C2CD3: variants seen among roughly 807,000 people sequenced by gnomAD.
C2CD3 encodes C2 domain containing 3 centriole elongation regulator.
In C2CD3, 148 loss-of-function variants were observed where a neutral mutation model predicts 234.0. That is an observed-to-expected ratio of 0.63 (90% CI 0.55 to 0.72). The LOEUF is 0.72. C2CD3 is among the 30% of genes least tolerant of loss of function. The pLI, the probability that C2CD3 is intolerant of heterozygous loss-of-function variation, is 0.00. For missense variants in C2CD3, 2,577 were observed against 2,811.5 expected, an observed-to-expected ratio of 0.92 and a Z score of 1.89; for synonymous variants, 1,000 against 1,035.4, an observed-to-expected ratio of 0.97 and a Z score of 0.66.
At chr11:74,037,993 A>T (rs1383338665) in intron 29 of C2CD3, among the ~76,000 whole-genome samples, 1 of 152,176 alleles carries the variant, frequency 6.6e-6, no homozygotes, top group Non-Finnish European at 1.5e-5. Flanking sequence ...CCACCATTCC[A>T]GTCCTTATTT....
chr11:74,057,892 G>A (rs1283165553), intron 24 of C2CD3, among the ~76,000 whole-genome samples: 1 of 152,206 alleles, frequency 6.6e-6, no homozygotes, highest in East Asian at 1.9e-4. Flanking sequence ...CTGGGAGGCA[G>A]AGGCTGCAGT....
chr11:74,079,655 C>T (rs1272409216), intron 22 of C2CD3, among the ~76,000 whole-genome samples: 2 of 151,678 alleles, frequency 1.3e-5, no homozygotes, highest in African/African-American at 4.9e-5. Context: ...ATAATCCTTA[C>T]TTTACAGATG....
chr11:74,161,396 T>A lies in C2CD3; in HGVS notation c.483+3A>T. On this transcript the variant is annotated splice_donor_region_variant and intron_variant, in intron 3 of 32. Coordinates refer to ENST00000334126, the MANE Select transcript of C2CD3 (RefSeq NM_001286577.2). ...GCAGCAAATAATTAAAATATATTTT[T>A]ACCTGGAGTTCTCCAAGTTTCTTAG... 1 of 1,546,254 alleles carries A rather than the reference T, an allele frequency of 6.5e-7. No homozygotes were observed. The highest frequency in any genetic ancestry group is 1.2e-5 in the South Asian group (1 of 83,250).
intron 21 of C2CD3, chr11:74,085,413 A>C (rs1955596379): frequency 1.7e-6 from 1 of 572,502 alleles, no homozygotes; most frequent in Non-Finnish European, 3.1e-6. Context: ...TAACACTGAC[A>C]CATTTGCTTT....
intron 24 of C2CD3, among the ~76,000 whole-genome samples, chr11:74,058,935 C>A (rs1954083464): frequency 6.6e-6 from 1 of 152,154 alleles, no homozygotes; most frequent in South Asian, 2.1e-4. Flanking sequence ...ATACTGGACA[C>A]TGAACCCACA....
intron 32 of C2CD3, among the ~76,000 whole-genome samples, chr11:74,021,327 A>G (rs1462105048): frequency 6.6e-6 from 1 of 152,230 alleles, no homozygotes; most frequent in African/African-American, 2.4e-5. Flanking sequence ...AATTGAGAAG[A>G]CTGAAGGGGA....
chr11:74,092,330 G>A, intron 19 of C2CD3, 86 bp downstream of exon 19: 1 of 1,243,888 alleles, frequency 8.0e-7, no homozygotes, highest in Non-Finnish European at 1.2e-6. Flanking sequence ...GCTGGGATTA[G>A]AGGTGTGAAC....
At chr11:74,070,230 C>T (rs1199249920) in intron 24 of C2CD3, among the ~76,000 whole-genome samples, 1 of 152,190 alleles carries the variant, frequency 6.6e-6, no homozygotes, top group Non-Finnish European at 1.5e-5. Context: ...CTTTTTCTAA[C>T]ATAAGTATCC....
intron 3 of C2CD3, among the ~76,000 whole-genome samples, chr11:74,153,201 C>G (rs1326768494): frequency 2.1e-5 from 3 of 142,104 alleles, no homozygotes; most frequent in Non-Finnish European, 4.7e-5. Flanking sequence ...GAGTGAGACT[C>G]TGTCTCTTAA....
Position 74,168,626 on chromosome 11 carries a change from C to A in C2CD3, c.56-13G>T. Reference sequence around the variant, plus strand: ...ATGTCACTTAAACCTGTAGAGGAATCCAAGAAAACTGAGTCAAAATTTAGA... The same window carrying A: ...ATGTCACTTAAACCTGTAGAGGAATACAAGAAAACTGAGTCAAAATTTAGA... On this transcript the variant is annotated splice_polypyrimidine_tract_variant and intron_variant, in intron 1 of 32. Transcript: ENST00000334126. 6.3e-7 allele frequency: 1 copy of A among 1,599,846 alleles called. No homozygotes were observed. Among genetic ancestry groups the A allele is most frequent in the Non-Finnish European group, 8.5e-7 (1 of 1,172,958 alleles).
At chr11:74,117,521 T>C (rs974270417) in intron 9 of C2CD3, among the ~76,000 whole-genome samples, 2 of 151,206 alleles carry the variant, frequency 1.3e-5, no homozygotes, top group African/African-American at 2.4e-5. Flanking sequence ...TTCTCACTCA[T>C]AAGTGGAAGC....
chr11:74,144,558 G>C (rs1855035652), intron 3 of C2CD3, among the ~76,000 whole-genome samples: 1 of 152,242 alleles, frequency 6.6e-6, no homozygotes, highest in Admixed American at 6.5e-5. Context: ...CAGGTACTAA[G>C]CACAGTACCC....
intron 20 of C2CD3, among the ~76,000 whole-genome samples, chr11:74,087,370 C>T (rs564883730): frequency 6.6e-6 from 1 of 152,152 alleles, no homozygotes; most frequent in African/African-American, 2.4e-5. Context: ...TTGAGACCAG[C>T]CTGCCCAACA....
Position 74,132,977 on chromosome 11 carries a change from G to A in C2CD3, c.1089-5C>T, listed in dbSNP as rs756857479. The A allele has an allele frequency of 1.2e-6, 2 of 1,612,860 alleles. No individual in the cohort carries two copies. Among genetic ancestry groups the A allele is most frequent in the Non-Finnish European group, 1.7e-6 (2 of 1,179,452 alleles). ...TTCCTAGAAAAGGCTCTGATCCTAA[G>A]GTGTGGAAAAATACTTTCTCACTGA... On this transcript the variant is annotated splice_region_variant and splice_polypyrimidine_tract_variant and intron_variant, in intron 6 of 32. Transcript: ENST00000334126.
At chr11:74,035,925 A>G (rs1411667971) in intron 30 of C2CD3, among the ~76,000 whole-genome samples, 1 of 151,984 alleles carries the variant, frequency 6.6e-6, no homozygotes, top group African/African-American at 2.4e-5. Context: ...CAGTGGAACA[A>G]TCTCGGCTCA....
intron 22 of C2CD3, among the ~76,000 whole-genome samples, chr11:74,084,459 A>G (rs1955548706): frequency 6.6e-6 from 1 of 151,702 alleles, no homozygotes; most frequent in South Asian, 2.1e-4. Flanking sequence ...AAAAGAAAAA[A>G]GAAACGGGGT....
In C2CD3 at chr11:74,074,579, C is replaced by T. The variant is rs200483046; in HGVS notation, c.4625G>A (p.Arg1542Gln). 1.1e-5 allele frequency: 18 copies of T among 1,613,484 alleles called. No homozygotes were observed. The highest frequency in any genetic ancestry group is 3.3e-4 in the Middle Eastern group (2 of 6,062). The change falls in exon 24 of 33, where the codon CGA (arginine) becomes CAA (glutamine). Residue 1542 changes from arginine (R) to glutamine (Q), a missense_variant. Physicochemically the swap from Arg to Gln is conservative, Grantham distance 43. Coordinates refer to ENST00000334126, the MANE Select transcript of C2CD3 (RefSeq NM_001286577.2). ...TVSGVYPLFGRNASNLSGAAL... is the reference protein window; with the variant it reads ...TVSGVYPLFGQNASNLSGAAL... Reference sequence around the variant, plus strand: ...AGCTCCTGAGAGGTTGGAAGCATTTCGTCCAAACAGAGGATACACACCTAA... The same window carrying T: ...AGCTCCTGAGAGGTTGGAAGCATTTTGTCCAAACAGAGGATACACACCTAA...
intron 23 of C2CD3, among the ~76,000 whole-genome samples, chr11:74,076,169 C>A (rs1326783917): frequency 2.0e-5 from 3 of 152,134 alleles, no homozygotes; most frequent in African/African-American, 7.2e-5. Flanking sequence ...GGACTCTAGG[C>A]CTGCCCAGAT....
chr11:74,040,653 G>C (rs1320492498), intron 29 of C2CD3, among the ~76,000 whole-genome samples: 2 of 152,044 alleles, frequency 1.3e-5, no homozygotes, highest in African/African-American at 4.8e-5. Flanking sequence ...CTACTTGGGA[G>C]TTTGAGGCAG....
Sources: allele counts gnomAD v4.1 joint callset (sites outside exome capture counted in the v4.1 genomes callset), GRCh38; gene constraint gnomAD v4.1.1; transcripts MANE v1.5; gene names NCBI Gene and HGNC (gene_info 2026-07-23, HGNC 2026-07-21).